Variants in TRHR observed in about 807,000 individuals in gnomAD.
TRHR encodes the protein thyrotropin-releasing hormone receptor.
TRHR carries 14 observed loss-of-function variants against 28.0 expected under a neutral mutation model. The observed-to-expected ratio is 0.50, with a 90% confidence interval of 0.33 to 0.78. The LOEUF (loss-of-function observed/expected upper bound fraction) is 0.78. Among genes scored for constraint, TRHR ranks in the 30% least tolerant of loss-of-function variants. TRHR has a pLI of 0.02. For synonymous variants in TRHR, 176 were observed against 171.9 expected, an observed-to-expected ratio of 1.02 and a Z score of -0.18; for missense variants, 438 against 469.5, an observed-to-expected ratio of 0.93 and a Z score of 0.62.
At chr8:109,111,885 C>CTT (rs1200282850) in intron 2 of TRHR, among the ~76,000 whole-genome samples, 1 of 152,184 alleles carries the variant, frequency 6.6e-6, no homozygotes, top group African/African-American at 2.4e-5. Context: ...AAGTTATCTG[C>CTT]TTATAATGCT....
intron 2 of TRHR, among the ~76,000 whole-genome samples, chr8:109,090,776 T>C (rs1586184219): frequency 6.6e-6 from 1 of 152,082 alleles, no homozygotes; most frequent in Non-Finnish European, 1.5e-5. Context: ...GGACAAGACA[T>C]AGTGGCTGGG....
At chr8:109,104,849 G>T (rs888223492) in intron 2 of TRHR, among the ~76,000 whole-genome samples, 3 of 152,022 alleles carry the variant, frequency 2.0e-5, no homozygotes, top group African/African-American at 7.2e-5. Context: ...ACTGGGCACC[G>T]GGGCTCATAC....
intron 2 of TRHR, among the ~76,000 whole-genome samples, chr8:109,094,197 A>C (rs573473126): frequency 6.6e-6 from 1 of 151,892 alleles, no homozygotes; most frequent in South Asian, 2.1e-4. Flanking sequence ...CCTAAATTAG[A>C]GGTTTCCTGA....
Position 109,119,386 on chromosome 8 carries a change from C to A in TRHR, c.1128C>A (p.Tyr376Ter), listed in dbSNP as rs759584415. 4.3e-6 allele frequency: 7 copies of A among 1,612,412 alleles called. No individual in the cohort carries two copies. The highest frequency in any genetic ancestry group is 5.9e-6 in the Non-Finnish European group (7 of 1,179,040). ...ATGATATCACTGTCACTGACACTTA[C>A]CTGTCTGCCACAAAAGTGTCTTTTG... ...ELDDITVTDT[Y>*]LSATKVSFDD... is the part of the protein sequence containing the mutation. Residue 376 changes from tyrosine (Y) to a stop codon, truncating the protein, a stop_gained, in exon 3 of 3, where the codon TAC becomes TAA. Transcript: ENST00000518632. LOFTEE classifies it high-confidence loss of function.
chr8:109,118,214 G>GA (rs1250556365), intron 2 of TRHR, among the ~76,000 whole-genome samples: 1 of 151,790 alleles, frequency 6.6e-6, no homozygotes, highest in Non-Finnish European at 1.5e-5. Context: ...TTTCTAATTT[G>GA]AAAAAGTAGT....
At chr8:109,108,895 T>G (rs920370893) in intron 2 of TRHR, among the ~76,000 whole-genome samples, 2 of 152,170 alleles carry the variant, frequency 1.3e-5, no homozygotes, top group African/African-American at 4.8e-5. Context: ...CTCTCATCAT[T>G]CATGATTGCC....
Position 109,119,067 on chromosome 8 carries a change from T to C in TRHR, c.809T>C (p.Val270Ala). The C allele has an allele frequency of 6.2e-7, 1 of 1,612,700 alleles. No individual in the cohort carries two copies. Residue 270 changes from valine (V) to alanine (A), a missense_variant, in exon 3 of 3, where the codon GTG becomes GCG. Physicochemically the swap from Val to Ala is moderately conservative, Grantham distance 64. Transcript: ENST00000518632. ...SRKQVTKMLA[V>A]VVILFALLWM... The stretch of plus-strand genomic sequence containing the variant: ...CCCTAGGTCACCAAGATGCTGGCAG[T>C]GGTTGTAATTCTGTTTGCCCTTTTA...
intron 1 of TRHR, 120 bp downstream of exon 1, chr8:109,087,003 C>G (rs993101661): frequency 3.0e-5 from 5 of 164,470 alleles, no homozygotes; most frequent in African/African-American, 1.2e-4. Context: ...AAAGAGGCAA[C>G]AGCTAAATTT....
chr8:109,112,817 T>C (rs1385436509), intron 2 of TRHR, among the ~76,000 whole-genome samples: 2 of 152,196 alleles, frequency 1.3e-5, no homozygotes, highest in Non-Finnish European at 2.9e-5. Context: ...GATACTTATA[T>C]GTATAAGCTG....
chr8:109,116,971 T>TTTCA (rs2129936949), intron 2 of TRHR, among the ~76,000 whole-genome samples: 1 of 152,160 alleles, frequency 6.6e-6, no homozygotes, highest in South Asian at 2.1e-4. Context: ...AACAGGTTGC[T>TTTCA]CTTCTCCAAC....
At chr8:109,097,379 T>C (rs1811610422) in intron 2 of TRHR, among the ~76,000 whole-genome samples, 1 of 152,178 alleles carries the variant, frequency 6.6e-6, no homozygotes, top group Admixed American at 6.5e-5. Flanking sequence ...CAACACCCTT[T>C]AAAATATGAC....
At chr8:109,114,225 C>A (rs903067970) in intron 2 of TRHR, among the ~76,000 whole-genome samples, 2 of 152,098 alleles carry the variant, frequency 1.3e-5, no homozygotes, top group African/African-American at 4.8e-5. Flanking sequence ...GACAAGCCAT[C>A]AAGCCTAGAC....
intron 2 of TRHR, among the ~76,000 whole-genome samples, chr8:109,113,489 C>A (rs755702083): frequency 3.3e-5 from 5 of 152,086 alleles, no homozygotes; most frequent in Admixed American, 2.0e-4. Context: ...CCCAGAGGAA[C>A]CTAAGGAGCT....
intron 2 of TRHR, among the ~76,000 whole-genome samples, chr8:109,097,569 G>C (rs1811613274): frequency 6.6e-6 from 1 of 152,194 alleles, no homozygotes; most frequent in African/African-American, 2.4e-5. Flanking sequence ...GCAGTGTACA[G>C]AAGAGACAAG....
At chr8:109,116,776 T>C (rs1811928311) in intron 2 of TRHR, among the ~76,000 whole-genome samples, 1 of 151,990 alleles carries the variant, frequency 6.6e-6, no homozygotes, top group Non-Finnish European at 1.5e-5. Flanking sequence ...AGGGCCACTT[T>C]ATGTCACATA....
intron 2 of TRHR, among the ~76,000 whole-genome samples, chr8:109,097,107 T>C (rs1177900493): frequency 6.6e-6 from 1 of 152,212 alleles, no homozygotes; most frequent in African/African-American, 2.4e-5. Context: ...CAAACTCAGA[T>C]AATTGACTTC....
At chr8:109,100,510 G>T (rs1811662535) in intron 2 of TRHR, among the ~76,000 whole-genome samples, 1 of 151,988 alleles carries the variant, frequency 6.6e-6, no homozygotes, top group Admixed American at 6.6e-5. Flanking sequence ...ATATGGGACA[G>T]GAAAATGGTG....
chr8:109,092,250 T>C (rs1384914781), intron 2 of TRHR, among the ~76,000 whole-genome samples: 1 of 151,988 alleles, frequency 6.6e-6, no homozygotes, highest in Middle Eastern at 3.2e-3. Flanking sequence ...TAACATAGTC[T>C]TAATAGAAGC....
chr8:109,094,463 A>T (rs1811560036), intron 2 of TRHR, among the ~76,000 whole-genome samples: 1 of 152,038 alleles, frequency 6.6e-6, no homozygotes, highest in South Asian at 2.1e-4. Flanking sequence ...TCTGGGTTCA[A>T]CTATATACTT....
Sources: allele counts gnomAD v4.1 joint callset (sites outside exome capture counted in the v4.1 genomes callset), GRCh38; gene constraint gnomAD v4.1.1; transcripts MANE v1.5; gene names NCBI Gene and HGNC (gene_info 2026-07-23, HGNC 2026-07-21).